The following HYOU1 variants were observed in gnomAD, a reference collection of about 807,000 sequenced individuals.
The protein encoded by HYOU1 is hypoxia up-regulated protein 1.
A neutral mutation model predicts 120.5 loss-of-function variants in HYOU1; 40 were observed. The ratio of observed to expected loss-of-function variants is 0.33; its 90% confidence interval spans 0.26 to 0.43. HYOU1 has a LOEUF of 0.43. Among genes scored for constraint, HYOU1 ranks in the 20% least tolerant of loss-of-function variants. The probability of loss-of-function intolerance (pLI) is 1.00; values close to 1 mark genes in which losing one functional copy is unlikely to be tolerated. For missense variants in HYOU1, 1,085 were observed against 1,278.3 expected, an observed-to-expected ratio of 0.85 and a Z score of 2.31; for synonymous variants, 501 against 479.4, an observed-to-expected ratio of 1.05 and a Z score of -0.59.
At chr11:119,047,873 G>A (rs1008700021) in intron 21 of HYOU1, 55 bp from the exon 22 acceptor site, 9 of 1,613,004 alleles carry the variant, frequency 5.6e-6, no homozygotes, top group Non-Finnish European at 7.6e-6. Context: ...CTGGAGTGTG[G>A]GGAGTGGGAA....
At chr11:119,049,887 TC>T in intron 14 of HYOU1, 50 bp from the exon 15 acceptor site, 1 of 1,532,532 alleles carries the variant, frequency 6.5e-7, no homozygotes, top group Non-Finnish European at 9.0e-7. Flanking sequence ...CCACCTTTTC[TC>T]CACAAACATC....
chr11:119,052,240 T>C lies in HYOU1; in HGVS notation c.1122+55A>G. On this transcript the variant is annotated intron_variant, in intron 10 of 25. Coordinates refer to ENST00000617285, the MANE Select transcript of HYOU1 (RefSeq NM_006389.5). The surrounding 1 kb of genome is among the most constrained non-coding windows in gnomAD (Gnocchi z 5.0). ...CACTGACTCGTCCCTTGACGTCCCA[T>C]GGGTTTCCTATGCCCTTTCCTACGG... The C allele has an allele frequency of 6.2e-7, 1 of 1,614,014 alleles. No homozygotes were observed. The highest frequency in any genetic ancestry group is 8.5e-7 in the Non-Finnish European group (1 of 1,179,888).
chr11:119,049,091 T>G lies in HYOU1; in HGVS notation c.1919A>C (p.Glu640Ala). Residue 640 changes from glutamate (E) to alanine (A), a missense_variant, in exon 17 of 26, where the codon GAA becomes GCA. By Grantham distance (107) the Glu-to-Ala change is moderately radical. Coordinates refer to ENST00000617285, the MANE Select transcript of HYOU1 (RefSeq NM_006389.5). ...VEDGSQPPPP[E>A]PKGDATPEGE... is the part of the protein sequence containing the mutation. ...CTCAGGGGTTGCATCTCCCTTAGGT[T>G]CAGGGGGTGGGGGCTGAGAGCCATC... 6.2e-7 allele frequency: 1 copy of G among 1,614,132 alleles called. No individual in the cohort carries two copies. Among genetic ancestry groups the G allele is most frequent in the Non-Finnish European group, 8.5e-7 (1 of 1,180,008 alleles).
At position 119,048,811 on chromosome 11, in the gene HYOU1, C is replaced by G. The variant is rs782542366; in HGVS notation, c.2068G>C (p.Ala690Pro). Residue 690 changes from alanine to proline, a missense_variant, in exon 18 of 26, where the codon GCC becomes CCC. Physicochemically the swap from Ala to Pro is conservative, Grantham distance 27. Coordinates refer to ENST00000617285, the MANE Select transcript of HYOU1 (RefSeq NM_006389.5). This position sits in a 1 kb window ranked among gnomAD's most constrained non-coding sequence, Gnocchi z 4.7. ...APEGEKKQKP[A>P]RKRRMVEEIG... ...TCCTCTACCATTCGCCGCTTCCTGG[C>G]GGGCTTCTGCTTCTTCTCTCCCTCT... 1.9e-6 allele frequency: 3 copies of G among 1,613,982 alleles called. No individual in the cohort carries two copies. The highest frequency in any genetic ancestry group is 2.5e-6 in the Non-Finnish European group (3 of 1,180,002).
At position 119,052,084 on chromosome 11, in the gene HYOU1, A is replaced by G. The variant is rs1944478866; in HGVS notation, c.1205+6T>C. On this transcript the variant is annotated splice_donor_region_variant and intron_variant, in intron 11 of 25. Transcript: ENST00000617285. The surrounding 1 kb of genome is among the most constrained non-coding windows in gnomAD (Gnocchi z 5.0). ...CTCAGCCAAGCGCTCTAGCCCCCAC[A>G]CTCACTTGCCCACGGCCTTCAGCAG... is the stretch of plus-strand genomic sequence containing the variant. 1 of 1,613,640 alleles carries G rather than the reference A, an allele frequency of 6.2e-7. No homozygotes were observed. The highest frequency in any genetic ancestry group is 8.5e-7 in the Non-Finnish European group (1 of 1,179,914).
At chr11:119,056,481 A>C in intron 1 of HYOU1, 1 of 449,732 alleles carries the variant, frequency 2.2e-6, no homozygotes, top group Non-Finnish European at 4.3e-6. Flanking sequence ...TGAGTGGCGC[A>C]CCGCAGCACT....
Position 119,055,331 on chromosome 11 carries a change from C to G in HYOU1, c.273G>C (p.Lys91Asn). The G allele has an allele frequency of 6.2e-7, 1 of 1,613,124 alleles. No individual in the cohort carries two copies. The highest frequency in any genetic ancestry group is 8.5e-7 in the Non-Finnish European group (1 of 1,179,388). The change falls in exon 5 of 26, where the codon AAG (lysine) becomes AAC (asparagine). Residue 91 changes from lysine (K) to asparagine (N), a missense_variant. By Grantham distance (94) the Lys-to-Asn change is moderately conservative (BLOSUM62 0). This residue lies in a region of HYOU1 where 515 missense variants were observed against 677.8 expected (regional missense o/e 0.76). Transcript: ENST00000617285. This position sits in a 1 kb window ranked among gnomAD's most constrained non-coding sequence, Gnocchi z 4.0. The stretch of plus-strand genomic sequence containing the variant: ...AGTAACGTAGCGTAGCCTTTGGATT[C>G]TTAATCGCCTGAGGGGTGAAGAAGG... ...FGDSAASMAIKNPKATLRYFQ... is the reference protein window; with the variant it reads ...FGDSAASMAINNPKATLRYFQ...
intron 8 of HYOU1, 66 bp downstream of exon 8, chr11:119,054,055 C>T: frequency 1.0e-6 from 1 of 990,748 alleles, no homozygotes. Flanking sequence ...AGTGTGTCTC[C>T]TCCAAGAAGA....
intron 22 of HYOU1, chr11:119,047,422 T>G: frequency 3.1e-6 from 1 of 323,390 alleles, no homozygotes. Flanking sequence ...CAGTTTCTGC[T>G]TCACATGACA....
intron 16 of HYOU1, 172 bp from the exon 17 acceptor site, chr11:119,049,375 A>T (rs2133572528): frequency 4.1e-5 from 64 of 1,558,206 alleles, no homozygotes; most frequent in Non-Finnish European, 5.1e-5. Context: ...GAGCATCTGC[A>T]ATGAGGGGAA....
At position 119,051,698 on chromosome 11, in the gene HYOU1, G is replaced by T; in HGVS notation, c.1339-73C>A. The T allele has an allele frequency of 6.3e-7, 1 of 1,595,624 alleles. No homozygotes were observed. On this transcript the variant is annotated intron_variant, in intron 12 of 25. Transcript: ENST00000617285. The surrounding 1 kb of genome is among the most constrained non-coding windows in gnomAD (Gnocchi z 4.2). ...GAGTAGGTTCTGGGGTAAGGATGGG[G>T]GTGGGATGGGGGAGACCTCTTAGCA... is the stretch of plus-strand genomic sequence containing the variant.
At position 119,047,727 on chromosome 11, in the gene HYOU1, T is replaced by C. The variant is rs924787266; in HGVS notation, c.2595+7A>G. ...AGTATCTGGTTAAGTATTTACGAAG[T>C]GATTACCCAGGTCTCATTGATGACT... On this transcript the variant is annotated splice_region_variant and intron_variant, in intron 22 of 25. Coordinates refer to ENST00000617285, the MANE Select transcript of HYOU1 (RefSeq NM_006389.5). The C allele has an allele frequency of 1.2e-6, 2 of 1,608,762 alleles. No homozygotes were observed. Among genetic ancestry groups the C allele is most frequent in the Non-Finnish European group, 1.7e-6 (2 of 1,175,082 alleles).
chr11:119,048,978 G>T lies in HYOU1; in HGVS notation c.1992+40C>A. 1 of 1,612,638 alleles carries T rather than the reference G, an allele frequency of 6.2e-7. No homozygotes were observed. Among genetic ancestry groups the T allele is most frequent in the Non-Finnish European group, 8.5e-7 (1 of 1,178,854 alleles). ...AACAAGGCAGGCGCCTGCTCCCTTA[G>T]CCTCTGGATCCACACTGGCCTTCCT... On this transcript the variant is annotated intron_variant, in intron 17 of 25. Coordinates refer to ENST00000617285, the MANE Select transcript of HYOU1 (RefSeq NM_006389.5). The surrounding 1 kb of genome is among the most constrained non-coding windows in gnomAD (Gnocchi z 4.7).
intron 16 of HYOU1, 64 bp from the exon 17 acceptor site, chr11:119,049,267 C>T (rs2133571288): frequency 8.8e-6 from 14 of 1,589,404 alleles, no homozygotes; most frequent in South Asian, 4.5e-5. Context: ...AGGCCTGGCT[C>T]GGCACCGCCG....
At position 119,051,401 on chromosome 11, in the gene HYOU1, C is replaced by A. The variant is rs202092504; in HGVS notation, c.1526+37G>T. On this transcript the variant is annotated intron_variant, in intron 13 of 25. Transcript: ENST00000617285. This position sits in a 1 kb window ranked among gnomAD's most constrained non-coding sequence, Gnocchi z 4.2. ...GATTATCCAGCAGCCACGCCTCCCC[C>A]TCCCTGGAGCTCCCATCCTACACCC... The A allele has an allele frequency of 1.0e-5, 16 of 1,605,118 alleles. No homozygotes were observed. Among genetic ancestry groups the A allele is most frequent in the East Asian group, 2.2e-5 (1 of 44,810 alleles).
Position 119,049,184 on chromosome 11 carries a change from G to T in HYOU1, c.1826C>A (p.Ala609Glu), listed in dbSNP as rs2133570385. 6.2e-7 allele frequency: 1 copy of T among 1,602,220 alleles called. No homozygotes were observed. Among genetic ancestry groups the T allele is most frequent in the South Asian group, 1.1e-5 (1 of 89,666 alleles). Reference sequence around the variant, plus strand: ...CCCAGGCTCGTCCTTGCTCCCCTCTGCAGGGCTCTCCTCTTCCTCCTGGGA... The same window carrying T: ...CCCAGGCTCGTCCTTGCTCCCCTCTTCAGGGCTCTCCTCTTCCTCCTGGGA... ...DTVQEEEESP[A>E]EGSKDEPGEQ... Residue 609 changes from alanine to glutamate, a missense_variant, in exon 17 of 26, where the codon GCA becomes GAA. Physicochemically the swap from Ala to Glu is moderately radical, Grantham distance 107 (BLOSUM62 -1). This residue lies in a region of HYOU1 where 516 missense variants were observed against 517.1 expected (regional missense o/e 1.00). Coordinates refer to ENST00000617285, the MANE Select transcript of HYOU1 (RefSeq NM_006389.5).
chr11:119,055,148 G>A lies in HYOU1; in HGVS notation c.419+37C>T. 6.2e-7 allele frequency: 1 copy of A among 1,611,800 alleles called. No individual in the cohort carries two copies. The highest frequency in any genetic ancestry group is 8.5e-7 in the Non-Finnish European group (1 of 1,178,270). Reference sequence around the variant, plus strand: ...ACACACACCAATGAGGAGCCCAGCAGCGTTGCCGAGACCACCTTCCCCAAC... The same window carrying A: ...ACACACACCAATGAGGAGCCCAGCAACGTTGCCGAGACCACCTTCCCCAAC... On this transcript the variant is annotated intron_variant, in intron 5 of 25. Coordinates refer to ENST00000617285, the MANE Select transcript of HYOU1 (RefSeq NM_006389.5). This position sits in a 1 kb window ranked among gnomAD's most constrained non-coding sequence, Gnocchi z 4.0.
chr11:119,046,875 C>T (rs2133554136), intron 22 of HYOU1, 73 bp from the exon 23 acceptor site: 258,500 of 1,545,822 alleles, frequency 0.17, 23,674 homozygotes, highest in East Asian at 0.35. Flanking sequence ...GATGGAATCA[C>T]ACCCCCAACC....
At position 119,056,008 on chromosome 11, in the gene HYOU1, A is replaced by C. The variant is rs470679; in HGVS notation, c.91+62T>G. The C allele has an allele frequency of 0.85, 1,281,972 of 1,502,570 alleles. 550,203 individuals are homozygous for C. The highest frequency in any genetic ancestry group is 0.97 in the African/African-American group (70,823 of 72,872). 93.1% of individuals were successfully genotyped at this position (1,502,570 alleles called of 1,614,324 possible). On this transcript the variant is annotated intron_variant, in intron 2 of 25. Transcript: ENST00000617285. Reference sequence around the variant, plus strand: ...CTTCTGGCCAACAGCCCCAAGCTCAATTCCCATCATGCATCCTTCAGTCAT... The same window carrying C: ...CTTCTGGCCAACAGCCCCAAGCTCACTTCCCATCATGCATCCTTCAGTCAT...
Sources: allele counts gnomAD v4.1 joint callset, GRCh38; gene constraint gnomAD v4.1.1; regional missense constraint gnomAD v4.1.1; non-coding constraint Gnocchi (gnomAD v3.1); transcripts MANE v1.5; gene names NCBI Gene and HGNC (gene_info 2026-07-23, HGNC 2026-07-21).